The following LHPP variants were observed in gnomAD, a reference collection of about 807,000 sequenced individuals.
LHPP encodes phospholysine phosphohistidine inorganic pyrophosphate phosphatase, also known as hLHPP.
In LHPP, 24 loss-of-function variants were observed where a neutral mutation model predicts 30.3. The ratio of observed to expected loss-of-function variants is 0.79; its 90% CI spans 0.57 to 1.11. The LOEUF is 1.11. Among genes scored for constraint, LHPP ranks in the 50% most tolerant of loss-of-function variants. The probability of loss-of-function intolerance (pLI) is 0.00; values close to 1 mark genes in which losing one functional copy is unlikely to be tolerated. For synonymous variants in LHPP, 150 were observed against 157.1 expected (o/e 0.95, Z 0.34); for missense variants, 356 against 367.2 (o/e 0.97, Z 0.25).
intron 6 of LHPP, among the ~76,000 whole-genome samples, chr10:124,546,824 G>A (rs1323388559): frequency 2.6e-5 from 4 of 152,054 alleles, no homozygotes; most frequent in Non-Finnish European, 4.4e-5. Flanking sequence ...GTCCACAGGC[G>A]TACTTACTTT....
At chr10:124,474,622 A>G (rs1182887520) in intron 1 of LHPP, among the ~76,000 whole-genome samples, 1 of 152,104 alleles carries the variant, frequency 6.6e-6, no homozygotes, top group African/African-American at 2.4e-5. Flanking sequence ...TCCCATCTCC[A>G]AACAGCAGGT....
chr10:124,462,031 C>T, intron 1 of LHPP, 44 bp downstream of exon 1: 2 of 1,194,250 alleles, frequency 1.7e-6, no homozygotes, highest in South Asian at 4.2e-5. Context: ...GAGCTCTAAG[C>T]TCAGCCCGCT....
At chr10:124,464,228 G>A (rs1182967332) in intron 1 of LHPP, among the ~76,000 whole-genome samples, 2 of 152,178 alleles carry the variant, frequency 1.3e-5, no homozygotes, top group African/African-American at 4.8e-5. Context: ...GCCGGGAAGG[G>A]CTAACTGCCA....
intron 6 of LHPP, among the ~76,000 whole-genome samples, chr10:124,555,979 G>A (rs988804861): frequency 6.6e-6 from 1 of 151,740 alleles, no homozygotes; most frequent in Non-Finnish European, 1.5e-5. Context: ...GCCCTAGCTG[G>A]TTGACCCCAG....
intron 6 of LHPP, among the ~76,000 whole-genome samples, chr10:124,608,752 TCA>T (rs1263736771): frequency 6.6e-6 from 1 of 152,204 alleles, no homozygotes; most frequent in Non-Finnish European, 1.5e-5. Context: ...GCCAGCAGTC[TCA>T]GAGGTAGAGC....
chr10:124,500,638 T>C (rs9422855), intron 5 of LHPP, among the ~76,000 whole-genome samples: 19,848 of 151,560 alleles, frequency 0.13, 2,269 homozygotes, highest in African/African-American at 0.29. Flanking sequence ...CCAACAGGCA[T>C]ACAAAAAGAT....
chr10:124,586,479 A>G (rs1589695795), intron 6 of LHPP, among the ~76,000 whole-genome samples: 1 of 152,130 alleles, frequency 6.6e-6, no homozygotes, highest in Non-Finnish European at 1.5e-5. Flanking sequence ...GCCCTGAAGG[A>G]CCTCCCAGAT....
rs1196412458 is a variant in LHPP, at chr10:124,590,168, C to T, written c.717-23096C>T. 6.6e-6 allele frequency among the ~76,000 whole-genome samples: 1 copy of T among 152,192 alleles called. No individual in the cohort carries two copies. The highest frequency in any genetic ancestry group is 1.9e-4 in the East Asian group (1 of 5,194). On this transcript the variant is annotated intron_variant, in intron 6 of 6. Coordinates refer to ENST00000368842, the MANE Select transcript of LHPP (RefSeq NM_022126.4). The surrounding 1 kb of genome is among the most constrained non-coding windows in gnomAD (Gnocchi z 4.3). ...CCTCTCCCAATCCCTGTCTCTCTCT[C>T]TCCTTCCACAGCCACATGAAATTGA...
chr10:124,530,117 G>C (rs933614428), intron 6 of LHPP, among the ~76,000 whole-genome samples: 4 of 152,164 alleles, frequency 2.6e-5, no homozygotes, highest in African/African-American at 7.2e-5. Flanking sequence ...GAAGCCAGGA[G>C]CGGTGGGCAG....
intron 6 of LHPP, among the ~76,000 whole-genome samples, chr10:124,551,464 C>T (rs926492590): frequency 1.3e-5 from 2 of 152,088 alleles, no homozygotes; most frequent in Non-Finnish European, 2.9e-5. Flanking sequence ...AGGGTGGGGG[C>T]GGGGGGGCAG....
chr10:124,613,232 G>GA, intron 6 of LHPP, 32 bp from the exon 7 acceptor site: 1 of 1,526,638 alleles, frequency 6.6e-7, no homozygotes, highest in Non-Finnish European at 9.1e-7. Flanking sequence ...TCAGCGTGGG[G>GA]GCACTGACTA....
intron 5 of LHPP, among the ~76,000 whole-genome samples, chr10:124,501,524 C>G (rs1309217867): frequency 6.6e-6 from 1 of 150,688 alleles, no homozygotes; most frequent in African/African-American, 2.5e-5. Context: ...ATTGCTTGAA[C>G]CCAGGAGGTG....
At chr10:124,474,979 C>T (rs1952896445) in intron 1 of LHPP, among the ~76,000 whole-genome samples, 1 of 149,278 alleles carries the variant, frequency 6.7e-6, no homozygotes, top group African/African-American at 2.5e-5. Context: ...ACCACCACAG[C>T]AATTACTGCC....
chr10:124,563,510 G>A (rs916312345), intron 6 of LHPP, among the ~76,000 whole-genome samples: 2 of 152,142 alleles, frequency 1.3e-5, no homozygotes, highest in African/African-American at 4.8e-5. Context: ...GGGGTGGGGC[G>A]GGGCAGGAGG....
At chr10:124,549,854 G>A (rs1389179740) in intron 6 of LHPP, among the ~76,000 whole-genome samples, 1 of 152,264 alleles carries the variant, frequency 6.6e-6, no homozygotes, top group Admixed American at 6.5e-5. Flanking sequence ...ACCTTTCTGA[G>A]CCTTGCTTTT....
intron 6 of LHPP, among the ~76,000 whole-genome samples, chr10:124,549,776 C>T (rs533327772): frequency 1.3e-5 from 2 of 152,352 alleles, no homozygotes; most frequent in South Asian, 4.1e-4. Context: ...AAGGCATGGC[C>T]TCCAGAATCA....
intron 4 of LHPP, among the ~76,000 whole-genome samples, chr10:124,497,238 T>G (rs1328776673): frequency 1.8e-5 from 2 of 112,660 alleles, no homozygotes; most frequent in African/African-American, 7.3e-5. Context: ...TCCCTTCCCA[T>G]CCTTCCCATC....
chr10:124,568,300 T>C (rs1948524757), intron 6 of LHPP, among the ~76,000 whole-genome samples: 1 of 152,216 alleles, frequency 6.6e-6, no homozygotes, highest in African/African-American at 2.4e-5. Flanking sequence ...TATACTTTCA[T>C]GGAGTGAAAT....
chr10:124,578,628 G>A (rs889475315), intron 6 of LHPP, among the ~76,000 whole-genome samples: 1 of 152,240 alleles, frequency 6.6e-6, no homozygotes. Context: ...CAGGGAGGAT[G>A]TAACTGTGTG....
Sources: gnomAD v4.1 joint callset for allele counts (sites outside exome capture counted in the v4.1 genomes callset) on GRCh38, gnomAD v4.1.1 for gene constraint, Gnocchi (gnomAD v3.1) non-coding constraint, MANE v1.5 for transcripts, NCBI Gene and HGNC (gene_info 2026-07-23, HGNC 2026-07-21) for gene names.